NT5M: variants seen among roughly 807,000 people sequenced by gnomAD.
The protein encoded by NT5M is 5',3'-nucleotidase, mitochondrial.
NT5M carries 22 observed loss-of-function variants against 22.2 expected under a neutral mutation model. The observed-to-expected ratio is 0.99, with a 90% CI of 0.71 to 1.41. NT5M has a LOEUF of 1.41. Ranked by LOEUF, NT5M falls within the 40% of genes most tolerant of loss-of-function variation. The pLI, the probability that NT5M is intolerant of heterozygous loss-of-function variation, is 0.00. For missense variants in NT5M, 322 were observed against 314.8 expected (o/e 1.02, Z -0.17); for synonymous variants, 167 against 133.0 (o/e 1.26, Z -1.76).
At chr17:17,305,403 C>G (rs8082379) in intron 1 of NT5M, among the ~76,000 whole-genome samples, 7 of 130,282 alleles carry the variant, frequency 5.4e-5, no homozygotes, top group Non-Finnish European at 1.0e-4. Flanking sequence ...CGCCCCCCCC[C>G]CCCCGCCCCC....
intron 2 of NT5M, among the ~76,000 whole-genome samples, chr17:17,319,662 T>C (rs764380180): frequency 4.6e-5 from 7 of 152,206 alleles, no homozygotes; most frequent in Non-Finnish European, 1.0e-4. Flanking sequence ...TAGAAAATAC[T>C]ATCCAATCTG....
chr17:17,343,392 C>T (rs1025423376), intron 3 of NT5M, among the ~76,000 whole-genome samples: 5 of 152,162 alleles, frequency 3.3e-5, no homozygotes, highest in African/African-American at 4.8e-5. Flanking sequence ...GCGTGGCAAG[C>T]GAGGTGGCCA....
intron 3 of NT5M, among the ~76,000 whole-genome samples, chr17:17,333,078 T>A (rs768946528): frequency 6.6e-6 from 1 of 152,170 alleles, no homozygotes; most frequent in Non-Finnish European, 1.5e-5. Flanking sequence ...GTCTCATTGT[T>A]GTTTTGATTT....
At chr17:17,310,288 C>T (rs987556905) in intron 2 of NT5M, among the ~76,000 whole-genome samples, 1 of 152,102 alleles carries the variant, frequency 6.6e-6, no homozygotes, top group African/African-American at 2.4e-5. Context: ...GTGGCTCATG[C>T]CTGTAATCTC....
At chr17:17,340,820 G>A (rs375535399) in intron 3 of NT5M, among the ~76,000 whole-genome samples, 99 of 152,062 alleles carry the variant, frequency 6.5e-4, no homozygotes, top group African/African-American at 1.0e-3. Context: ...CACCGCGCCC[G>A]GCCTGCTCTT....
chr17:17,312,366 G>A (rs953729504), intron 2 of NT5M, among the ~76,000 whole-genome samples: 1 of 152,164 alleles, frequency 6.6e-6, no homozygotes, highest in African/African-American at 2.4e-5. Context: ...TAGCGGCCAG[G>A]CACGGTGGCT....
At chr17:17,312,021 A>G (rs536028714) in intron 2 of NT5M, among the ~76,000 whole-genome samples, 82 of 152,318 alleles carry the variant, frequency 5.4e-4, no homozygotes, top group Admixed American at 1.2e-3. Flanking sequence ...TTGGCTGCCC[A>G]GGCTCACATC....
At chr17:17,322,432 G>A (rs980567427) in intron 2 of NT5M, among the ~76,000 whole-genome samples, 4 of 152,160 alleles carry the variant, frequency 2.6e-5, no homozygotes, top group African/African-American at 9.7e-5. Context: ...GTCTTTAGGA[G>A]AGGGGATTGC....
At chr17:17,336,291 C>T (rs1221469672) in intron 3 of NT5M, among the ~76,000 whole-genome samples, 4 of 152,062 alleles carry the variant, frequency 2.6e-5, no homozygotes, top group East Asian at 1.9e-4. Flanking sequence ...CATGAGCCAC[C>T]GCGCCCAGCC....
At chr17:17,345,702 T>A (rs904159015) in intron 4 of NT5M, among the ~76,000 whole-genome samples, 1 of 150,986 alleles carries the variant, frequency 6.6e-6, no homozygotes, top group Non-Finnish European at 1.5e-5. Flanking sequence ...TCCCTGCTAC[T>A]CTGGAGGCTG....
At chr17:17,337,661 A>T (rs1489135560) in intron 3 of NT5M, among the ~76,000 whole-genome samples, 1 of 152,154 alleles carries the variant, frequency 6.6e-6, no homozygotes, top group African/African-American at 2.4e-5. Flanking sequence ...AAGTGCTGGG[A>T]TTATAGGTGT....
intron 2 of NT5M, among the ~76,000 whole-genome samples, chr17:17,307,940 C>T (rs1190270685): frequency 6.6e-6 from 1 of 151,816 alleles, no homozygotes; most frequent in Non-Finnish European, 1.5e-5. Flanking sequence ...ATCCCAGCTA[C>T]TTAGGAGGCT....
At position 17,334,716 on chromosome 17, in the gene NT5M, C is replaced by T. The variant is rs146803000; in HGVS notation, c.430-10078C>T. 1.1e-3 allele frequency among the ~76,000 whole-genome samples: 173 copies of T among 152,132 alleles called. 2 individuals carry two copies. The East Asian group carries it at 0.029, about 26-fold the overall frequency. On this transcript the variant is annotated intron_variant, in intron 3 of 4. Coordinates refer to ENST00000389022, the MANE Select transcript of NT5M (RefSeq NM_020201.4). ...GTCTTGATCTCCTGACCTTGTGATC[C>T]GCCCACTTTGGCCTCCCAAAGTGCT... is the stretch of plus-strand genomic sequence containing the variant.
At chr17:17,321,871 G>A (rs944870246) in intron 2 of NT5M, among the ~76,000 whole-genome samples, 3 of 152,004 alleles carry the variant, frequency 2.0e-5, no homozygotes, top group African/African-American at 7.2e-5. Context: ...TACAGAATGA[G>A]ATAATGCATT....
intron 3 of NT5M, among the ~76,000 whole-genome samples, chr17:17,331,412 T>G (rs2049382536): frequency 6.6e-6 from 1 of 151,724 alleles, no homozygotes; most frequent in Admixed American, 6.6e-5. Flanking sequence ...TAAAGACCAT[T>G]GAATTGTACA....
intron 2 of NT5M, among the ~76,000 whole-genome samples, chr17:17,315,752 G>T (rs12601106): frequency 0.77 from 71,934 of 93,574 alleles, 25,764 homozygotes; most frequent in East Asian, 0.99. Context: ...GGGTTTTTTT[G>T]TTTTTTTTTT....
At chr17:17,321,926 C>T (rs758235962) in intron 2 of NT5M, among the ~76,000 whole-genome samples, 16 of 151,466 alleles carry the variant, frequency 1.1e-4, no homozygotes, top group East Asian at 7.8e-4. Context: ...AAGCCTGAGA[C>T]GAGGTTTTGG....
intron 2 of NT5M, among the ~76,000 whole-genome samples, chr17:17,321,178 C>T (rs948249990): frequency 5.3e-5 from 8 of 150,224 alleles, no homozygotes; most frequent in African/African-American, 1.7e-4. Context: ...GGTGCCAGCA[C>T]GTGTTTGAAT....
At chr17:17,324,616 A>C (rs1307783796) in intron 3 of NT5M, among the ~76,000 whole-genome samples, 1 of 151,710 alleles carries the variant, frequency 6.6e-6, no homozygotes, top group Non-Finnish European at 1.5e-5. Flanking sequence ...CTTGGTGCCC[A>C]CTGTTTCATC....
Sources: gnomAD v4.1 joint callset for allele counts (sites outside exome capture counted in the v4.1 genomes callset) on GRCh38, gnomAD v4.1.1 for gene constraint, MANE v1.5 for transcripts, NCBI Gene and HGNC (gene_info 2026-07-23, HGNC 2026-07-21) for gene names.